EBF2: variants seen among roughly 807,000 people sequenced by gnomAD.
EBF2 encodes EBF transcription factor 2.
A neutral mutation model predicts 72.8 loss-of-function variants in EBF2; 21 were observed. The observed-to-expected ratio is 0.29, with a 90% CI of 0.20 to 0.42. The LOEUF (loss-of-function observed/expected upper bound fraction) is 0.42, where lower values mean the gene tolerates loss of function less well. Ranked by LOEUF, EBF2 falls within the 10% of genes least tolerant of loss-of-function variation. The probability of loss-of-function intolerance (pLI) is 1.00; values close to 1 mark genes in which losing one functional copy is unlikely to be tolerated. For missense variants in EBF2, 637 were observed against 731.2 expected (o/e 0.87, Z 1.49); for synonymous variants, 299 against 274.2 (o/e 1.09, Z -0.89).
intron 6 of EBF2, among the ~76,000 whole-genome samples, chr8:25,997,395 A>T (rs1302495074): frequency 3.3e-5 from 5 of 152,014 alleles, no homozygotes; most frequent in Admixed American, 1.3e-4. Context: ...ACATAGCGAG[A>T]CCCCATCTCT....
At chr8:25,968,746 C>T (rs922116549) in intron 6 of EBF2, among the ~76,000 whole-genome samples, 4 of 152,102 alleles carry the variant, frequency 2.6e-5, no homozygotes, top group South Asian at 2.1e-4. Context: ...TTAGTAGAGA[C>T]GGGGTTTCAC....
chr8:25,974,942 C>G (rs974245090), intron 6 of EBF2, among the ~76,000 whole-genome samples: 1 of 152,160 alleles, frequency 6.6e-6, no homozygotes, highest in Non-Finnish European at 1.5e-5. Flanking sequence ...CCGGCTGCCC[C>G]GCCCCTCTTG....
chr8:25,934,224 TACACACACACACAC>T (rs71216403), intron 6 of EBF2, among the ~76,000 whole-genome samples: 3,868 of 136,816 alleles, frequency 0.028, 107 homozygotes, highest in African/African-American at 0.069. Context: ...TTCATGTGCA[TACACACACACACAC>T]ACACACACAC....
rs981640118 is a variant in EBF2, at chr8:25,850,910, C to T, written c.1529-149G>A. ...AAAAAAAGTTGAATGTGACAACATT[C>T]CCACCATGTCCAGTGGGAGGAACAG... On this transcript the variant is annotated intron_variant, in intron 14 of 15. Coordinates refer to ENST00000520164, the MANE Select transcript of EBF2 (RefSeq NM_022659.4). 7 of 809,674 alleles carry T rather than the reference C, an allele frequency of 8.6e-6. No homozygotes were observed. In the African/African-American group the frequency reaches 1.3e-4, roughly 15 times the overall value. 50.2% of individuals were successfully genotyped at this position (809,674 alleles called of 1,614,324 possible). A position where few individuals can be genotyped will look rare whatever the true frequency, so the allele number is the denominator to read the frequency against.
chr8:25,997,494 C>A (rs1043121744), intron 6 of EBF2, among the ~76,000 whole-genome samples: 2 of 150,784 alleles, frequency 1.3e-5, no homozygotes, highest in African/African-American at 4.9e-5. Context: ...TCACTTGAGC[C>A]CAGGAGGTTG....
chr8:25,932,541 G>A (rs1026033575), intron 6 of EBF2, among the ~76,000 whole-genome samples: 1 of 152,142 alleles, frequency 6.6e-6, no homozygotes, highest in Non-Finnish European at 1.5e-5. Context: ...TACGGCAGAA[G>A]CCTCCTGCCT....
chr8:25,945,088 G>GCCGC (rs1563409232), intron 6 of EBF2, among the ~76,000 whole-genome samples: 1 of 127,380 alleles, frequency 7.9e-6, no homozygotes, highest in Non-Finnish European at 1.6e-5. Context: ...TTGTTCTGTT[G>GCCGC]CCCCCCCCGC....
chr8:25,854,253 AGC>A (rs1357864027), intron 14 of EBF2, among the ~76,000 whole-genome samples: 2 of 150,640 alleles, frequency 1.3e-5, no homozygotes, highest in Non-Finnish European at 3.0e-5. Flanking sequence ...AAAAAAAAAA[AGC>A]AAGAGATGAA....
intron 14 of EBF2, among the ~76,000 whole-genome samples, chr8:25,852,113 G>A (rs999000342): frequency 6.6e-6 from 1 of 151,898 alleles, no homozygotes; most frequent in Admixed American, 6.6e-5. Context: ...CCTCATATAT[G>A]GATAAAAAGA....
intron 6 of EBF2, among the ~76,000 whole-genome samples, chr8:25,997,493 C>T (rs530052851): frequency 6.6e-6 from 1 of 151,050 alleles, no homozygotes; most frequent in South Asian, 2.1e-4. Context: ...ATCACTTGAG[C>T]CCAGGAGGTT....
intron 6 of EBF2, among the ~76,000 whole-genome samples, chr8:26,004,426 A>G (rs1305348261): frequency 6.6e-6 from 1 of 152,186 alleles, no homozygotes; most frequent in Non-Finnish European, 1.5e-5. Flanking sequence ...TGTAATTCCA[A>G]CATTTTGGGA....
chr8:25,940,172 C>T (rs769858607), intron 6 of EBF2, among the ~76,000 whole-genome samples: 10 of 152,298 alleles, frequency 6.6e-5, no homozygotes, highest in African/African-American at 1.2e-4. Context: ...AAAAGAGATA[C>T]GGGCAGCCCC....
At chr8:25,986,388 A>G (rs189740167) in intron 6 of EBF2, among the ~76,000 whole-genome samples, 16 of 152,294 alleles carry the variant, frequency 1.1e-4, no homozygotes, top group African/African-American at 3.6e-4. Context: ...ATGTGGAATC[A>G]CATGACTTTC....
At chr8:25,920,480 G>T (rs73677431) in intron 6 of EBF2, among the ~76,000 whole-genome samples, 1 of 152,192 alleles carries the variant, frequency 6.6e-6, no homozygotes, top group African/African-American at 2.4e-5. Context: ...TTTTGCTGAA[G>T]TTGGGTTTGG....
rs148781156 is a variant in EBF2, at chr8:25,907,565, T to G, written c.633+909A>C. Among the ~76,000 whole-genome samples the G allele has an allele frequency of 7.1e-3, 1,078 of 151,990 alleles. 9 individuals carry two copies. The highest frequency in any genetic ancestry group is 0.024 in the African/African-American group (995 of 41,480). On this transcript the variant is annotated intron_variant, in intron 7 of 15. Coordinates refer to ENST00000520164, the MANE Select transcript of EBF2 (RefSeq NM_022659.4). ...TGATCAAACAACTCCTCCCGGCTCC[T>G]GGCTCCGGGCTTTACCACCTACTTA...
chr8:25,854,364 G>A (rs746833698), intron 14 of EBF2, among the ~76,000 whole-genome samples: 3 of 152,096 alleles, frequency 2.0e-5, no homozygotes, highest in African/African-American at 4.8e-5. Flanking sequence ...TATGACCTGG[G>A]TCTGCATCAC....
At chr8:26,006,162 A>G (rs1164108118) in intron 6 of EBF2, among the ~76,000 whole-genome samples, 2 of 152,166 alleles carry the variant, frequency 1.3e-5, no homozygotes, top group Admixed American at 6.5e-5. Flanking sequence ...CACTGCCTAT[A>G]ATTACATTAG....
intron 10 of EBF2, among the ~76,000 whole-genome samples, chr8:25,876,294 T>C (rs1054026892): frequency 3.3e-5 from 5 of 152,030 alleles, no homozygotes; most frequent in Non-Finnish European, 2.9e-5. Context: ...TCAGGACAAA[T>C]AGCTAATGCA....
rs371906799 is a variant in EBF2 at position 26,041,197 on chromosome 8, C to A, written c.289-195G>T. 75 of 631,632 alleles carry A rather than the reference C, an allele frequency of 1.2e-4. No homozygotes were observed. The Middle Eastern group carries it at 1.7e-3, about 14-fold the overall frequency. The allele number at this position is 631,632 out of a possible 1,614,324, so 39.1% of individuals were successfully genotyped here. On this transcript the variant is annotated intron_variant, in intron 2 of 15. Transcript: ENST00000520164. ...CCGCCCCCGGAAACTTGCCAAGACT[C>A]GTAGCCACTTGACCCTTTCCAGCCC...
Sources: allele counts gnomAD v4.1 joint callset (sites outside exome capture counted in the v4.1 genomes callset), GRCh38; gene constraint gnomAD v4.1.1; transcripts MANE v1.5; gene names NCBI Gene and HGNC (gene_info 2026-07-23, HGNC 2026-07-21).